RNF144B: variants seen among roughly 807,000 people sequenced by gnomAD.
RNF144B encodes the protein E3 ubiquitin-protein ligase RNF144B.
Under a neutral mutation model 40.2 loss-of-function variants are expected in RNF144B, and 25 were observed. That is an observed-to-expected ratio of 0.62 (90% CI 0.45 to 0.87). The LOEUF (loss-of-function observed/expected upper bound fraction) is 0.87. RNF144B is among the 40% of genes least tolerant of loss of function. The pLI is 0.00. For synonymous variants in RNF144B, 145 were observed against 136.3 expected (o/e 1.06, Z -0.44); for missense variants, 365 against 373.7 (o/e 0.98, Z 0.19).
At chr6:18,427,726 T>C in intron 3 of RNF144B, 41 bp downstream of exon 3, 1 of 1,249,058 alleles carries the variant, frequency 8.0e-7, no homozygotes, top group Non-Finnish European at 1.2e-6. Flanking sequence ...TTCCTATTTA[T>C]GTTATTTATT....
chr6:18,394,139 C>T (rs1007875550), intron 1 of RNF144B, among the ~76,000 whole-genome samples: 1 of 152,134 alleles, frequency 6.6e-6, no homozygotes, highest in African/African-American at 2.4e-5. Context: ...AAAGTTTCTG[C>T]ATAATAAAGT....
In RNF144B at chr6:18,444,778, C is replaced by T. The variant is rs1323305952; in HGVS notation, c.331+5034C>T. Among the ~76,000 whole-genome samples the T allele has an allele frequency of 6.6e-6, 1 of 152,176 alleles. No individual in the cohort carries two copies. The highest frequency in any genetic ancestry group is 2.4e-5 in the African/African-American group (1 of 41,446). ...CTTATTTATGTATTGCGTGTCTATCCTATGCCAGGTGCCATTCCAATGCTT... is the reference window on the plus strand; with the variant it reads ...CTTATTTATGTATTGCGTGTCTATCTTATGCCAGGTGCCATTCCAATGCTT... On this transcript the variant is annotated intron_variant, in intron 4 of 7. Coordinates refer to ENST00000259939, the MANE Select transcript of RNF144B (RefSeq NM_182757.4). The surrounding 1 kb of genome is among the most constrained non-coding windows in gnomAD (Gnocchi z 4.3).
At position 18,434,752 on chromosome 6, in the gene RNF144B, G is replaced by A. The variant is rs183302762; in HGVS notation, c.271-4932G>A. 4.6e-5 allele frequency among the ~76,000 whole-genome samples: 7 copies of A among 152,272 alleles called. No individual in the cohort carries two copies. Among genetic ancestry groups the A allele is most frequent in the Admixed American group, 1.3e-4 (2 of 15,294 alleles). On this transcript the variant is annotated intron_variant, in intron 3 of 7. Coordinates refer to ENST00000259939, the MANE Select transcript of RNF144B (RefSeq NM_182757.4). The surrounding 1 kb of genome is among the most constrained non-coding windows in gnomAD (Gnocchi z 4.1). ...TTCTGCTGCCTCAGCCTCCTGAGTA[G>A]CTGGGACTACAGGCGCCTGCTACCA...
rs1467196872 is a variant in RNF144B, at chr6:18,448,164, T to G, written c.331+8420T>G. Among the ~76,000 whole-genome samples the G allele has an allele frequency of 6.6e-6, 1 of 152,144 alleles. No homozygotes were observed. Among genetic ancestry groups the G allele is most frequent in the East Asian group, 1.9e-4 (1 of 5,186 alleles). ...GTTTTTTGTTTTGTTTTGTTTTGTTTTTTCTTGAAAGGAACTTATGATCCA... is the reference window on the plus strand; with the variant it reads ...GTTTTTTGTTTTGTTTTGTTTTGTTGTTTCTTGAAAGGAACTTATGATCCA... On this transcript the variant is annotated intron_variant, in intron 4 of 7. Coordinates refer to ENST00000259939, the MANE Select transcript of RNF144B (RefSeq NM_182757.4). This position sits in a 1 kb window ranked among gnomAD's most constrained non-coding sequence, Gnocchi z 4.0.
chr6:18,408,165 A>T (rs1375166171), intron 2 of RNF144B, among the ~76,000 whole-genome samples: 1 of 151,438 alleles, frequency 6.6e-6, no homozygotes, highest in Non-Finnish European at 1.5e-5. Context: ...TTGTACTTTT[A>T]ATAGAGATGG....
At chr6:18,433,942 C>A (rs937370841) in intron 3 of RNF144B, among the ~76,000 whole-genome samples, 2 of 152,134 alleles carry the variant, frequency 1.3e-5, no homozygotes, top group Non-Finnish European at 2.9e-5. Context: ...ATTTCCCCTG[C>A]CCTGGATTTT....
In RNF144B at chr6:18,458,604, T is replaced by C. The variant is rs1212350763; in HGVS notation, c.537-1003T>C. On this transcript the variant is annotated intron_variant, in intron 5 of 7. Coordinates refer to ENST00000259939, the MANE Select transcript of RNF144B (RefSeq NM_182757.4). The surrounding 1 kb of genome is among the most constrained non-coding windows in gnomAD (Gnocchi z 4.8). ...AGGGCAACGTAAAGAACTCAGAGGATAGGAGGATTTGCATTCTGACATTGT... is the reference window on the plus strand; with the variant it reads ...AGGGCAACGTAAAGAACTCAGAGGACAGGAGGATTTGCATTCTGACATTGT... Among the ~76,000 whole-genome samples, 3 of 152,052 alleles carry C rather than the reference T, an allele frequency of 2.0e-5. No individual in the cohort carries two copies. Among genetic ancestry groups the C allele is most frequent in the African/African-American group, 4.8e-5 (2 of 41,392 alleles).
intron 4 of RNF144B, among the ~76,000 whole-genome samples, chr6:18,454,023 C>T (rs1245324601): frequency 6.6e-6 from 1 of 152,142 alleles, no homozygotes; most frequent in Non-Finnish European, 1.5e-5. Context: ...CTGTTTTTGC[C>T]ATGTTTTTAA....
chr6:18,451,945 G>A (rs1029460594), intron 4 of RNF144B, among the ~76,000 whole-genome samples: 4 of 152,092 alleles, frequency 2.6e-5, no homozygotes, highest in African/African-American at 7.2e-5. Context: ...GATGACTTTC[G>A]AAATTTGAGA....
rs1315434729 is a variant in RNF144B, at chr6:18,416,269, T to C, written c.166-11312T>C. Among the ~76,000 whole-genome samples, 4 of 152,190 alleles carry C rather than the reference T, an allele frequency of 2.6e-5. No homozygotes were observed. Among genetic ancestry groups the C allele is most frequent in the Admixed American group, 2.0e-4 (3 of 15,270 alleles). ...CAAGTGGGACAAAAGGAAACTCCTCTGAAAGGTTAATGGATGAGTGATTGA... is the reference window on the plus strand; with the variant it reads ...CAAGTGGGACAAAAGGAAACTCCTCCGAAAGGTTAATGGATGAGTGATTGA... On this transcript the variant is annotated intron_variant, in intron 2 of 7. Coordinates refer to ENST00000259939, the MANE Select transcript of RNF144B (RefSeq NM_182757.4). The surrounding 1 kb of genome is among the most constrained non-coding windows in gnomAD (Gnocchi z 5.5).
At chr6:18,461,261 C>A (rs773427941) in intron 6 of RNF144B, among the ~76,000 whole-genome samples, 2 of 152,160 alleles carry the variant, frequency 1.3e-5, no homozygotes, top group Non-Finnish European at 2.9e-5. Flanking sequence ...GAAGAAATAT[C>A]TTCTATTTAA....
At chr6:18,421,857 GA>G (rs576549497) in intron 2 of RNF144B, among the ~76,000 whole-genome samples, 12 of 152,146 alleles carry the variant, frequency 7.9e-5, no homozygotes, top group Non-Finnish European at 1.6e-4. Flanking sequence ...AATGAAAAGG[GA>G]TGAGGGACGA....
intron 4 of RNF144B, among the ~76,000 whole-genome samples, chr6:18,451,871 G>A (rs938275950): frequency 6.6e-6 from 1 of 152,180 alleles, no homozygotes; most frequent in Admixed American, 6.5e-5. Flanking sequence ...CCTTGTAAGT[G>A]ATACTTCATA....
chr6:18,407,487 A>T (rs1408262), intron 2 of RNF144B, among the ~76,000 whole-genome samples: 94,882 of 152,038 alleles, frequency 0.62, 30,119 homozygotes, highest in Non-Finnish European at 0.69. Context: ...GCTAGCATAT[A>T]TAGCTCTACT....
At chr6:18,393,050 G>A (rs1371458643) in intron 1 of RNF144B, among the ~76,000 whole-genome samples, 1 of 151,078 alleles carries the variant, frequency 6.6e-6, no homozygotes, top group South Asian at 2.1e-4. Context: ...GAACCCAGGA[G>A]GCAGAGCTTG....
rs2113461679 is a variant in RNF144B, at chr6:18,399,573, T to A, written c.39T>A (p.Thr13=). Residue 13 remains threonine (T), a synonymous_variant, in exon 2 of 8, where the codon ACT becomes ACA. Transcript: ENST00000259939. The stretch of plus-strand genomic sequence containing the variant: ...GTAGGCTCCACTATCTCGCCATGAC[T>A]GCTGAAAATCCCACTCCTGGAGACC... ...SAGRLHYLAM[T]AENPTPGDLA... is the part of the protein sequence containing the mutation. 1 of 1,614,158 alleles carries A rather than the reference T, an allele frequency of 6.2e-7. No homozygotes were observed. The highest frequency in any genetic ancestry group is 8.5e-7 in the Non-Finnish European group (1 of 1,180,014).
intron 2 of RNF144B, among the ~76,000 whole-genome samples, chr6:18,426,365 G>A (rs12526906): frequency 0.12 from 18,270 of 152,220 alleles, 1,316 homozygotes; most frequent in Admixed American, 0.19. Flanking sequence ...AAGGTTTACC[G>A]ATTATGAGCA....
intron 2 of RNF144B, among the ~76,000 whole-genome samples, chr6:18,423,472 G>A (rs1758481633): frequency 6.6e-6 from 1 of 152,154 alleles, no homozygotes; most frequent in Non-Finnish European, 1.5e-5. Context: ...TTGTTCTTGG[G>A]TAGGTACATA....
chr6:18,452,048 G>A lies in RNF144B; in HGVS notation c.332-5107G>A, dbSNP rs151275981. Reference sequence around the variant, plus strand: ...TGATATTGGATGATTTTAATATGCTGTGCACATCTGTTGATGAGAGTACTA... The same window carrying A: ...TGATATTGGATGATTTTAATATGCTATGCACATCTGTTGATGAGAGTACTA... On this transcript the variant is annotated intron_variant, in intron 4 of 7. Coordinates refer to ENST00000259939, the MANE Select transcript of RNF144B (RefSeq NM_182757.4). Among the ~76,000 whole-genome samples the A allele has an allele frequency of 2.8e-3, 429 of 152,244 alleles. 3 individuals carry two copies. Among genetic ancestry groups the A allele is most frequent in the African/African-American group, 9.8e-3 (408 of 41,518 alleles).
Sources: allele counts gnomAD v4.1 joint callset (sites outside exome capture counted in the v4.1 genomes callset), GRCh38; gene constraint gnomAD v4.1.1; non-coding constraint Gnocchi (gnomAD v3.1); transcripts MANE v1.5; gene names NCBI Gene and HGNC (gene_info 2026-07-23, HGNC 2026-07-21).